The following PYROXD2 variants were observed in gnomAD, a reference collection of about 807,000 sequenced individuals.
PYROXD2 encodes pyridine nucleotide-disulphide oxidoreductase domain 2, also known as pyridine nucleotide-disulfide oxidoreductase domain-containing protein 2.
Under a neutral mutation model 71.1 loss-of-function variants are expected in PYROXD2, and 69 were observed. The ratio of observed to expected loss-of-function variants is 0.97; its 90% CI spans 0.80 to 1.19. The LOEUF is 1.19. Among genes scored for constraint, PYROXD2 ranks in the 50% most tolerant of loss-of-function variants. The pLI, the probability that PYROXD2 is intolerant of heterozygous loss-of-function variation, is 0.00. For synonymous variants in PYROXD2, 287 were observed against 302.7 expected (o/e 0.95, Z 0.54); for missense variants, 745 against 748.9 (o/e 0.99, Z 0.06).
In PYROXD2 at chr10:98,407,571, G is replaced by T. The variant is rs373699677; in HGVS notation, c.315+11C>A. On this transcript the variant is annotated intron_variant, in intron 4 of 15. Transcript: ENST00000370575. ...TCCCTCCGTGCAATCGGGCCGGCGG[G>T]GGGGCCCTACCTTCAGCTCCAGATC... is the stretch of plus-strand genomic sequence containing the variant. 44 of 1,613,288 alleles carry T rather than the reference G, an allele frequency of 2.7e-5. No individual in the cohort carries two copies. The highest frequency in any genetic ancestry group is 1.8e-5 in the Non-Finnish European group (21 of 1,179,972).
At chr10:98,410,087 TTAAAATAAAA>T (rs111314715) in intron 2 of PYROXD2, among the ~76,000 whole-genome samples, 54,570 of 151,444 alleles carry the variant, frequency 0.36, 10,939 homozygotes, top group African/African-American at 0.53. Flanking sequence ...TCAAAAAAAA[TTAAAATAAAA>T]TAAAATAAAA....
chr10:98,411,664 C>A (rs1250389161), intron 1 of PYROXD2: 2 of 152,140 alleles, frequency 1.3e-5, no homozygotes, highest in African/African-American at 4.8e-5. Context: ...CACACCAAGC[C>A]CCTGGGTAGC....
chr10:98,395,076 T>A (rs1289561867), intron 8 of PYROXD2, 120 bp downstream of exon 8: 1 of 843,180 alleles, frequency 1.2e-6, no homozygotes, highest in Non-Finnish European at 2.0e-6. Flanking sequence ...GCTCGGTTCC[T>A]GGCTCACTGG....
At chr10:98,400,765 G>A (rs532436137) in intron 4 of PYROXD2, among the ~76,000 whole-genome samples, 1 of 152,192 alleles carries the variant, frequency 6.6e-6, no homozygotes, top group Non-Finnish European at 1.5e-5. Context: ...ACTTAACGAT[G>A]GGGATATGTT....
At chr10:98,397,231 G>C in intron 6 of PYROXD2, 114 bp downstream of exon 6, 1 of 1,393,762 alleles carries the variant, frequency 7.2e-7, no homozygotes, top group Non-Finnish European at 9.6e-7. Flanking sequence ...CATGTTAACT[G>C]ATCCCAGCTG....
At position 98,414,850 on chromosome 10, in the gene PYROXD2, G is replaced by A. The variant is rs1015099599; in HGVS notation, c.127+159C>T. On this transcript the variant is annotated intron_variant, in intron 1 of 15. Transcript: ENST00000370575. ...AGGTGCCTGCCTGCCAGATGGAAGG[G>A]CTTTCCATTGCAGCCCCTGCTAGCG... 12 of 1,132,556 alleles carry A rather than the reference G, an allele frequency of 1.1e-5. No homozygotes were observed. In the African/African-American group the frequency reaches 1.7e-4, roughly 16 times the overall value. 70.2% of individuals were successfully genotyped at this position (1,132,556 alleles called of 1,614,324 possible). A position where few individuals can be genotyped will look rare whatever the true frequency, so the allele number is the denominator to read the frequency against.
chr10:98,410,962 C>A lies in PYROXD2; in HGVS notation c.128-4G>T. On this transcript the variant is annotated splice_polypyrimidine_tract_variant and splice_region_variant and intron_variant, in intron 1 of 15. Transcript: ENST00000370575. The stretch of plus-strand genomic sequence containing the variant: ...ACAGCCACCAGTCCGTTGTGTCCTG[C>A]AACAAAACGGGACAGGGAAGGAAAA... 1.3e-6 allele frequency: 2 copies of A among 1,562,960 alleles called. No individual in the cohort carries two copies. The highest frequency in any genetic ancestry group is 1.7e-6 in the Non-Finnish European group (2 of 1,152,824).
At chr10:98,391,170 T>C (rs757672913) in intron 10 of PYROXD2, 88 bp from the exon 11 acceptor site, 71 of 881,042 alleles carry the variant, frequency 8.1e-5, no homozygotes, top group Non-Finnish European at 1.0e-4. Flanking sequence ...GATCCCTCAG[T>C]CGCTCCCTCC....
Position 98,383,817 on chromosome 10 carries a change from C to T in PYROXD2, c.1727G>A (p.Arg576Lys), listed in dbSNP as rs1177173851. 1 of 1,613,920 alleles carries T rather than the reference C, an allele frequency of 6.2e-7. No individual in the cohort carries two copies. The highest frequency in any genetic ancestry group is 1.7e-5 in the Admixed American group (1 of 59,990). ...TCAGGGTCACATGCTCTTGAGGTCC[C>T]TAAAGGCCACATGTGCTGCATTTCG... Reference protein sequence around the residue: ...AGRNAAHVAFRDLKSM With the variant: ...AGRNAAHVAFKDLKSM Residue 576 changes from arginine (R) to lysine (K), a missense_variant, in exon 16 of 16, where the codon AGG becomes AAG. Transcript: ENST00000370575.
chr10:98,400,331 G>C, intron 4 of PYROXD2, 74 bp from the exon 5 acceptor site: 1 of 1,442,566 alleles, frequency 6.9e-7, no homozygotes, highest in Admixed American at 2.0e-5. Flanking sequence ...CTCCGATTGT[G>C]TTTGTGTGAC....
chr10:98,410,896 C>G, intron 2 of PYROXD2, 43 bp downstream of exon 2: 2 of 1,557,074 alleles, frequency 1.3e-6, no homozygotes, highest in Non-Finnish European at 1.7e-6. Context: ...GAGAGCCACA[C>G]GCCCAGGGCC....
At chr10:98,410,619 T>A in intron 2 of PYROXD2, 1 of 400,926 alleles carries the variant, frequency 2.5e-6, no homozygotes, top group Non-Finnish European at 4.5e-6. Flanking sequence ...CCACCTGCTC[T>A]CATGCTGTGT....
intron 15 of PYROXD2, among the ~76,000 whole-genome samples, chr10:98,384,583 C>T (rs1244991757): frequency 6.6e-6 from 1 of 152,168 alleles, no homozygotes; most frequent in Non-Finnish European, 1.5e-5. Context: ...TACCACTGCA[C>T]CTCCAGCCTA....
intron 5 of PYROXD2, among the ~76,000 whole-genome samples, chr10:98,397,861 C>T: frequency 6.7e-6 from 1 of 149,718 alleles, no homozygotes; most frequent in South Asian, 2.1e-4. Context: ...GAAGTTTCTT[C>T]CTTCTGTCCT....
chr10:98,395,877 T>C (rs1412513697), intron 6 of PYROXD2, among the ~76,000 whole-genome samples: 4 of 152,206 alleles, frequency 2.6e-5, no homozygotes, highest in Non-Finnish European at 2.9e-5. Flanking sequence ...GCTGATCCAT[T>C]CCTATGACCC....
At position 98,407,704 on chromosome 10, in the gene PYROXD2, G is replaced by C. The variant is rs1166415509; in HGVS notation, c.242-49C>G. On this transcript the variant is annotated intron_variant, in intron 3 of 15. Coordinates refer to ENST00000370575, the MANE Select transcript of PYROXD2 (RefSeq NM_032709.3). ...TGTCACCAGGGGTCACCAGGGATGA[G>C]GACCGTCACCAGGGGTCAGCAGGGA... 3 of 1,552,032 alleles carry C rather than the reference G, an allele frequency of 1.9e-6. 1 individual carries two copies. The highest frequency in any genetic ancestry group is 2.6e-6 in the Non-Finnish European group (3 of 1,150,480).
At chr10:98,398,542 T>C (rs1843278081) in intron 5 of PYROXD2, among the ~76,000 whole-genome samples, 1 of 152,194 alleles carries the variant, frequency 6.6e-6, no homozygotes, top group African/African-American at 2.4e-5. Flanking sequence ...ATTCGAGAAG[T>C]CTTATTAAAA....
intron 10 of PYROXD2, 83 bp downstream of exon 10, chr10:98,392,349 A>C: frequency 6.4e-7 from 1 of 1,555,154 alleles, no homozygotes; most frequent in Non-Finnish European, 8.7e-7. Flanking sequence ...ACCCTGATGC[A>C]ATCCTGGCTC....
At chr10:98,393,776 G>A (rs927671157) in intron 8 of PYROXD2, among the ~76,000 whole-genome samples, 11 of 151,956 alleles carry the variant, frequency 7.2e-5, no homozygotes, top group African/African-American at 1.2e-4. Flanking sequence ...AAGCCTCCCC[G>A]GCTTGGCACT....
Sources: gnomAD v4.1 joint callset for allele counts (sites outside exome capture counted in the v4.1 genomes callset) on GRCh38, gnomAD v4.1.1 for gene constraint, MANE v1.5 for transcripts, NCBI Gene and HGNC (gene_info 2026-07-23, HGNC 2026-07-21) for gene names.